ZNF804A: variants seen among roughly 807,000 people sequenced by gnomAD.
ZNF804A encodes zinc finger protein 804A.
Under a neutral mutation model 16.5 loss-of-function variants are expected in ZNF804A, and 2 were observed. That is an observed-to-expected ratio of 0.12 (90% CI 0.05 to 0.38). The LOEUF is 0.38. Ranked by LOEUF, ZNF804A falls within the 10% of genes least tolerant of loss-of-function variation. ZNF804A has a pLI of 0.99. For missense variants in ZNF804A, 1,473 were observed against 1,390.7 expected, an observed-to-expected ratio of 1.06 and a Z score of -0.94; for synonymous variants, 534 against 489.6, an observed-to-expected ratio of 1.09 and a Z score of -1.20.
chr2:184,915,498 G>A (rs13423388), intron 2 of ZNF804A, among the ~76,000 whole-genome samples: 22,072 of 151,950 alleles, frequency 0.15, 1,756 homozygotes, highest in Middle Eastern at 0.24. Flanking sequence ...TGTTTTCTTA[G>A]CAAATTTTGA....
rs555581682 is a variant in ZNF804A at position 184,648,695 on chromosome 2, C to T, written c.111+49625C>T. ...AACAATTGTCAAAAAAGGTGAAGGG[C>T]ACAACTTATGATAAAGGATCCAATT... On this transcript the variant is annotated intron_variant, in intron 1 of 3. Coordinates refer to ENST00000302277, the MANE Select transcript of ZNF804A (RefSeq NM_194250.2). Among the ~76,000 whole-genome samples the T allele has an allele frequency of 2.6e-5, 4 of 152,146 alleles. No homozygotes were observed. The East Asian group carries it at 5.8e-4, about 22-fold the overall frequency.
At chr2:184,820,271 A>C (rs1474689841) in intron 1 of ZNF804A, among the ~76,000 whole-genome samples, 8 of 152,176 alleles carry the variant, frequency 5.3e-5, no homozygotes, top group Non-Finnish European at 8.8e-5. Flanking sequence ...ACATACGCAA[A>C]TCAATAATTG....
chr2:184,853,453 C>A (rs867282080), intron 1 of ZNF804A, among the ~76,000 whole-genome samples: 1 of 151,770 alleles, frequency 6.6e-6, no homozygotes, highest in Non-Finnish European at 1.5e-5. Context: ...TGGTAGGAAT[C>A]AGCATTCATG....
At chr2:184,679,665 G>A (rs1373213228) in intron 1 of ZNF804A, among the ~76,000 whole-genome samples, 2 of 152,188 alleles carry the variant, frequency 1.3e-5, no homozygotes, top group Non-Finnish European at 2.9e-5. Flanking sequence ...GCCTGGCTCA[G>A]TGTGCACTCA....
chr2:184,654,365 T>G (rs1041980501), intron 1 of ZNF804A, among the ~76,000 whole-genome samples: 1 of 152,140 alleles, frequency 6.6e-6, no homozygotes, highest in Admixed American at 6.5e-5. Context: ...TGGTTGGTTC[T>G]GAGTTGGAAA....
In ZNF804A at chr2:184,611,673, A is replaced by G. The variant is rs75694984; in HGVS notation, c.111+12603A>G. On this transcript the variant is annotated intron_variant, in intron 1 of 3. Coordinates refer to ENST00000302277, the MANE Select transcript of ZNF804A (RefSeq NM_194250.2). ...ATTAATATTTACACTAGGGGGCGAC[A>G]TAACATTTCCTCTTCTTTTCAAAAA... is the stretch of plus-strand genomic sequence containing the variant. Among the ~76,000 whole-genome samples the G allele has an allele frequency of 2.8e-3, 406 of 147,090 alleles. 7 individuals carry two copies. Among genetic ancestry groups the G allele is most frequent in the African/African-American group, 9.8e-3 (386 of 39,396 alleles).
chr2:184,904,159 A>T (rs1326028420), intron 2 of ZNF804A, among the ~76,000 whole-genome samples: 2 of 152,088 alleles, frequency 1.3e-5, no homozygotes, highest in Non-Finnish European at 2.9e-5. Flanking sequence ...ATAAACTTAA[A>T]CTAGGAGGTG....
chr2:184,636,599 G>T (rs1691703815), intron 1 of ZNF804A, among the ~76,000 whole-genome samples: 1 of 150,404 alleles, frequency 6.6e-6, no homozygotes, highest in Admixed American at 6.7e-5. Flanking sequence ...GTCTGTGTTA[G>T]TGTGTTCCCC....
rs752840654 is a variant in ZNF804A, at chr2:184,599,057, G to A, written c.98G>A (p.Gly33Glu). 5.0e-6 allele frequency: 8 copies of A among 1,611,988 alleles called. No homozygotes were observed. In the African/African-American group the frequency reaches 1.1e-4, roughly 22 times the overall value. ...GVFRGPLSKN[G>E]NKTLDYAEKE... ...TTCCGGGGCCCTCTCAGCAAGAACGGGAACAAAACTCTGGTAATCGCTTCT... is the reference window on the plus strand; with the variant it reads ...TTCCGGGGCCCTCTCAGCAAGAACGAGAACAAAACTCTGGTAATCGCTTCT... Residue 33 changes from glycine (G) to glutamate (E), a missense_variant, in exon 1 of 4, where the codon GGG becomes GAG. By Grantham distance (98) the Gly-to-Glu change is moderately conservative (BLOSUM62 -2). Transcript: ENST00000302277.
rs186749734 is a variant in ZNF804A, at chr2:184,663,744, A to T, written c.111+64674A>T. Among the ~76,000 whole-genome samples the T allele has an allele frequency of 5.9e-5, 9 of 152,290 alleles. No individual in the cohort carries two copies. The East Asian group carries it at 1.7e-3, about 29-fold the overall frequency. The stretch of plus-strand genomic sequence containing the variant: ...ACACATTTCCTCCCTTCTGAAGCCC[A>T]TAAAAACTCAGGACTCAGCCAGACT... On this transcript the variant is annotated intron_variant, in intron 1 of 3. Coordinates refer to ENST00000302277, the MANE Select transcript of ZNF804A (RefSeq NM_194250.2).
At chr2:184,607,790 C>A (rs940042969) in intron 1 of ZNF804A, among the ~76,000 whole-genome samples, 1 of 152,102 alleles carries the variant, frequency 6.6e-6, no homozygotes, top group African/African-American at 2.4e-5. Flanking sequence ...AAAATGTCTT[C>A]ATGAAATATA....
intron 1 of ZNF804A, among the ~76,000 whole-genome samples, chr2:184,715,821 G>A (rs1050812304): frequency 2.0e-5 from 3 of 152,032 alleles, no homozygotes; most frequent in Admixed American, 6.6e-5. Flanking sequence ...CTGAGTATAG[G>A]GGACTGATAA....
chr2:184,712,205 A>G (rs1693139452), intron 1 of ZNF804A, among the ~76,000 whole-genome samples: 1 of 151,596 alleles, frequency 6.6e-6, no homozygotes, highest in Non-Finnish European at 1.5e-5. Flanking sequence ...TATTCCTATG[A>G]AGTTAATTCT....
At chr2:184,838,440 G>C (rs973180848) in intron 1 of ZNF804A, among the ~76,000 whole-genome samples, 6 of 151,836 alleles carry the variant, frequency 4.0e-5, no homozygotes, top group African/African-American at 1.5e-4. Flanking sequence ...AACTGACCCT[G>C]GCAAGTAGTA....
intron 1 of ZNF804A, among the ~76,000 whole-genome samples, chr2:184,602,715 G>T (rs760887103): frequency 6.6e-6 from 1 of 151,930 alleles, no homozygotes; most frequent in Non-Finnish European, 1.5e-5. Flanking sequence ...TATTTGGTCA[G>T]CATTTTAGTA....
rs529116139 is a variant in ZNF804A at position 184,815,900 on chromosome 2, G to A, written c.112-50469G>A. On this transcript the variant is annotated intron_variant, in intron 1 of 3. Transcript: ENST00000302277. Reference sequence around the variant, plus strand: ...ATTTGGTTTTTGTATTTGTGTTGCTGTGGCATGTTAGTTTGTGGCCTCTTG... The same window carrying A: ...ATTTGGTTTTTGTATTTGTGTTGCTATGGCATGTTAGTTTGTGGCCTCTTG... Among the ~76,000 whole-genome samples the A allele has an allele frequency of 3.3e-5, 5 of 152,130 alleles. No homozygotes were observed. In the South Asian group the frequency reaches 1.0e-3, roughly 32 times the overall value.
At chr2:184,793,052 C>A (rs1470825959) in intron 1 of ZNF804A, among the ~76,000 whole-genome samples, 2 of 152,102 alleles carry the variant, frequency 1.3e-5, no homozygotes, top group Admixed American at 6.6e-5. Context: ...GCATTAATTT[C>A]TTAGGATTGT....
chr2:184,793,280 A>C (rs1408915855), intron 1 of ZNF804A, among the ~76,000 whole-genome samples: 1 of 152,042 alleles, frequency 6.6e-6, no homozygotes, highest in African/African-American at 2.4e-5. Context: ...TTTCCTTTGG[A>C]TATATACCCG....
At chr2:184,929,628 C>G (rs932748006) in intron 2 of ZNF804A, among the ~76,000 whole-genome samples, 2 of 152,066 alleles carry the variant, frequency 1.3e-5, no homozygotes, top group East Asian at 1.9e-4. Flanking sequence ...ATTATCTGTA[C>G]TTCTTGGAAT....
Sources: allele counts gnomAD v4.1 joint callset (sites outside exome capture counted in the v4.1 genomes callset), GRCh38; gene constraint gnomAD v4.1.1; transcripts MANE v1.5; gene names NCBI Gene and HGNC (gene_info 2026-07-23, HGNC 2026-07-21).